The following ANKRD28 variants were observed in gnomAD, a reference collection of about 807,000 sequenced individuals.
ANKRD28 encodes the protein serine/threonine-protein phosphatase 6 regulatory ankyrin repeat subunit A.
A neutral mutation model predicts 126.5 loss-of-function variants in ANKRD28; 44 were observed. The ratio of observed to expected loss-of-function variants is 0.35; its 90% CI spans 0.27 to 0.45. ANKRD28 has a LOEUF of 0.45. Ranked by LOEUF, ANKRD28 falls within the 20% of genes least tolerant of loss-of-function variation. The pLI is 1.00. For missense variants in ANKRD28, 1,110 were observed against 1,316.6 expected (o/e 0.84, Z 2.43); for synonymous variants, 442 against 468.5 (o/e 0.94, Z 0.73).
intron 3 of ANKRD28, among the ~76,000 whole-genome samples, chr3:15,764,099 C>T (rs2058625144): frequency 6.6e-6 from 1 of 152,168 alleles, no homozygotes; most frequent in Non-Finnish European, 1.5e-5. Flanking sequence ...GTGCCACACA[C>T]CTGCAGTCCC....
chr3:15,837,222 T>A (rs181741604), intron 1 of ANKRD28, among the ~76,000 whole-genome samples: 1 of 152,068 alleles, frequency 6.6e-6, no homozygotes, highest in Admixed American at 6.5e-5. Flanking sequence ...ATTAGAGACT[T>A]CTATGTTCCA....
At position 15,679,549 on chromosome 3, in the gene ANKRD28, C is replaced by T. The variant is rs201067625; in HGVS notation, c.2404G>A (p.Val802Ile). The T allele has an allele frequency of 5.2e-5, 84 of 1,611,990 alleles. No homozygotes were observed. The African/African-American group carries it at 1.0e-3, about 19-fold the overall frequency. The change falls in exon 22 of 28, where the codon GTA (valine) becomes ATA (isoleucine). Residue 802 changes from valine (V) to isoleucine (I), a missense_variant. Physicochemically the swap from Val to Ile is conservative, Grantham distance 29 (BLOSUM62 3). Transcript: ENST00000683139. ...ACTTCCTGTTCTAAAAGCAGTTCTA[C>T]ACATGTCTCGTGACCTAAATAGGTG... Reference protein sequence around the residue: ...WACYNGHETCVELLLEQEVFQ... With the variant: ...WACYNGHETCIELLLEQEVFQ...
rs889772320 is a variant in ANKRD28 at position 15,859,218 on chromosome 3, G to A, written c.27+159C>T. ...AGCTCTGACAGGCGGGTCGCCCGCG[G>A]ACCCCGGCCCGCCGTCTCGCGCAGG... is the stretch of plus-strand genomic sequence containing the variant. On this transcript the variant is annotated intron_variant, in intron 1 of 27. Coordinates refer to the ANKRD28 transcript ENST00000399451. Among the ~76,000 whole-genome samples the A allele has an allele frequency of 7.9e-5, 12 of 152,316 alleles. No individual in the cohort carries two copies. In the East Asian group the frequency reaches 2.3e-3, roughly 30 times the overall value.
intron 21 of ANKRD28, 103 bp downstream of exon 21, chr3:15,685,123 A>G (rs1200020496): frequency 2.0e-5 from 24 of 1,199,794 alleles, no homozygotes; most frequent in Non-Finnish European, 2.7e-5. Context: ...GATTATTCCC[A>G]AGGTTTTTGC....
chr3:15,759,628 T>A (rs2058349638), intron 3 of ANKRD28, among the ~76,000 whole-genome samples: 1 of 152,076 alleles, frequency 6.6e-6, no homozygotes, highest in Admixed American at 6.6e-5. Flanking sequence ...CTAAAACAAG[T>A]CACCAAAATA....
intron 2 of ANKRD28, among the ~76,000 whole-genome samples, chr3:15,790,781 C>T (rs923194896): frequency 6.6e-6 from 1 of 152,022 alleles, no homozygotes; most frequent in Non-Finnish European, 1.5e-5. Context: ...ACTGGAAGTC[C>T]TATCTAGCTC....
intron 8 of ANKRD28, among the ~76,000 whole-genome samples, chr3:15,719,588 G>A (rs763315359): frequency 6.6e-6 from 1 of 152,138 alleles, no homozygotes; most frequent in Non-Finnish European, 1.5e-5. Context: ...TCATTCATTT[G>A]AGGCAAGGTC....
chr3:15,826,203 A>G (rs1007850056), intron 1 of ANKRD28, among the ~76,000 whole-genome samples: 2 of 152,236 alleles, frequency 1.3e-5, no homozygotes, highest in African/African-American at 4.8e-5. Flanking sequence ...GAAAATAGAT[A>G]AACAGCAGTT....
chr3:15,850,220 T>TAC (rs1274116099), intron 1 of ANKRD28, among the ~76,000 whole-genome samples: 1 of 49,352 alleles, frequency 2.0e-5, no homozygotes, highest in African/African-American at 5.7e-5. Context: ...TATATATATA[T>TAC]ATATAGAGAG....
At chr3:15,810,630 T>C (rs889321837) in intron 1 of ANKRD28, among the ~76,000 whole-genome samples, 1 of 151,924 alleles carries the variant, frequency 6.6e-6, no homozygotes, top group Non-Finnish European at 1.5e-5. Context: ...AGACTTTTTT[T>C]CTTTTTCATT....
At chr3:15,775,286 A>G (rs750762179) in intron 2 of ANKRD28, among the ~76,000 whole-genome samples, 56 of 152,230 alleles carry the variant, frequency 3.7e-4, no homozygotes, top group Non-Finnish European at 4.7e-4. Context: ...ATAACAACAT[A>G]CAACTATGTA....
intron 8 of ANKRD28, among the ~76,000 whole-genome samples, chr3:15,717,353 A>G (rs1446618391): frequency 6.6e-6 from 1 of 152,098 alleles, no homozygotes; most frequent in East Asian, 1.9e-4. Context: ...AATAAAACCT[A>G]TTCTAAGTAT....
chr3:15,754,593 GT>G (rs2058057887), intron 3 of ANKRD28, among the ~76,000 whole-genome samples: 1 of 152,100 alleles, frequency 6.6e-6, no homozygotes, highest in African/African-American at 2.4e-5. Flanking sequence ...AGTATATAGG[GT>G]TCAGTACTAT....
At position 15,805,017 on chromosome 3, in the gene ANKRD28, AC is replaced by A. The variant is rs557805611; in HGVS notation, c.28-9712del. 3.0e-3 allele frequency among the ~76,000 whole-genome samples: 432 copies of A among 145,710 alleles called. 58 individuals carry two copies. Among genetic ancestry groups the A allele is most frequent in the African/African-American group, 0.011 (416 of 39,074 alleles). ...TCCTCCTCCCAACACACATGTACTT[AC>A]GTAGCAGGTACTTACGAAAACAGAG... On this transcript the variant is annotated intron_variant, in intron 1 of 27. Coordinates refer to the ANKRD28 transcript ENST00000399451.
intron 3 of ANKRD28, among the ~76,000 whole-genome samples, chr3:15,759,195 C>T (rs1022820106): frequency 7.9e-5 from 12 of 152,092 alleles, no homozygotes; most frequent in East Asian, 3.8e-4. Context: ...ATTCTGATTA[C>T]GGCAGGATTA....
intron 2 of ANKRD28, among the ~76,000 whole-genome samples, chr3:15,772,005 C>A (rs2125607827): frequency 6.6e-6 from 1 of 152,078 alleles, no homozygotes; most frequent in East Asian, 1.9e-4. Flanking sequence ...AGGAAGTCTC[C>A]AAGAACATTA....
At chr3:15,744,068 A>G (rs1157031384) in intron 4 of ANKRD28, among the ~76,000 whole-genome samples, 1 of 152,244 alleles carries the variant, frequency 6.6e-6, no homozygotes, top group Non-Finnish European at 1.5e-5. Context: ...GTTAAATGTA[A>G]TAAGTATAGC....
chr3:15,703,955 TATCTCAGGAGA>T (rs1251647718), intron 14 of ANKRD28, among the ~76,000 whole-genome samples: 1 of 152,200 alleles, frequency 6.6e-6, no homozygotes, highest in African/African-American at 2.4e-5. Context: ...TGATGATGGT[TATCTCAGGAGA>T]GCTGGTATGA....
At chr3:15,783,645 C>T (rs1003047293) in intron 2 of ANKRD28, among the ~76,000 whole-genome samples, 2 of 151,958 alleles carry the variant, frequency 1.3e-5, no homozygotes, top group African/African-American at 2.4e-5. Context: ...TAAACAAATT[C>T]TGTATATCAT....
Sources: allele counts gnomAD v4.1 joint callset (sites outside exome capture counted in the v4.1 genomes callset), GRCh38; gene constraint gnomAD v4.1.1; transcripts MANE v1.5; gene names NCBI Gene and HGNC (gene_info 2026-07-23, HGNC 2026-07-21).